ANKRD46: variants seen among roughly 807,000 people sequenced by gnomAD.
ANKRD46 encodes ankyrin repeat domain 46.
Under a neutral mutation model 19.8 loss-of-function variants are expected in ANKRD46, and 13 were observed. The observed-to-expected ratio is 0.66, with a 90% CI of 0.43 to 1.04. The LOEUF is 1.04. ANKRD46 is among the 50% of genes least tolerant of loss of function. ANKRD46 has a pLI of 0.00. For missense variants in ANKRD46, 185 were observed against 274.8 expected (o/e 0.67, Z 2.31); for synonymous variants, 91 against 106.9 (o/e 0.85, Z 0.92).
Position 100,529,470 on chromosome 8 carries a change from T to G in ANKRD46, c.311+53A>C. On this transcript the variant is annotated intron_variant, in intron 3 of 4. Coordinates refer to ENST00000335659, the MANE Select transcript of ANKRD46 (RefSeq NM_001270377.2). The surrounding 1 kb of genome is among the most constrained non-coding windows in gnomAD (Gnocchi z 5.8). ...ACAGACCCAAGATAAGATTATCAGT[T>G]GAGAGATTAATGGGAAGAAATGACT... 31 of 1,517,804 alleles carry G rather than the reference T, an allele frequency of 2.0e-5. No homozygotes were observed. The highest frequency in any genetic ancestry group is 2.7e-5 in the Non-Finnish European group (30 of 1,117,640). The allele number at this position is 1,517,804 out of a possible 1,614,324, so 94.0% of individuals were successfully genotyped here.
rs1812099538 is a variant in ANKRD46, at chr8:100,538,082, G to A, written c.-130-4771C>T. On this transcript the variant is annotated intron_variant, in intron 1 of 4. Coordinates refer to ENST00000335659, the MANE Select transcript of ANKRD46 (RefSeq NM_001270377.2). Reference sequence around the variant, plus strand: ...TATATACTGGCTGACTGCAATGCCTGGCACATTAAGTTTCTTGAAGTCTAG... The same window carrying A: ...TATATACTGGCTGACTGCAATGCCTAGCACATTAAGTTTCTTGAAGTCTAG... 2.6e-5 allele frequency among the ~76,000 whole-genome samples: 4 copies of A among 152,208 alleles called. No individual in the cohort carries two copies. The South Asian group carries it at 8.3e-4, about 32-fold the overall frequency.
At position 100,529,946 on chromosome 8, in the gene ANKRD46, CT is replaced by C; in HGVS notation, c.-27-87del. On this transcript the variant is annotated intron_variant, in intron 2 of 4. Coordinates refer to ENST00000335659, the MANE Select transcript of ANKRD46 (RefSeq NM_001270377.2). This position sits in a 1 kb window ranked among gnomAD's most constrained non-coding sequence, Gnocchi z 5.8. ...ATTTAGAAAAGCAATATTTCTCATC[CT>C]TTTTGGCCTCCTGCCTCTAATAAAT... 6.7e-6 allele frequency: 7 copies of C among 1,040,504 alleles called. No individual in the cohort carries two copies. The highest frequency in any genetic ancestry group is 5.5e-6 in the Non-Finnish European group (4 of 733,378). The allele number at this position is 1,040,504 out of a possible 1,614,324, so 64.5% of individuals were successfully genotyped here. A position where few individuals can be genotyped will look rare whatever the true frequency, so the allele number is the denominator to read the frequency against.
chr8:100,527,556 T>C lies in ANKRD46; in HGVS notation c.470+289A>G, dbSNP rs1021393343. Among the ~76,000 whole-genome samples, 1 of 152,212 alleles carries C rather than the reference T, an allele frequency of 6.6e-6. No individual in the cohort carries two copies. The highest frequency in any genetic ancestry group is 1.5e-5 in the Non-Finnish European group (1 of 68,038). On this transcript the variant is annotated intron_variant, in intron 4 of 4. Transcript: ENST00000335659. The surrounding 1 kb of genome is among the most constrained non-coding windows in gnomAD (Gnocchi z 4.0). ...AACAGAACATTATGCGCACATGACATGTAGTACTTTCTGTTAATAGCTTCT... is the reference window on the plus strand; with the variant it reads ...AACAGAACATTATGCGCACATGACACGTAGTACTTTCTGTTAATAGCTTCT...
chr8:100,545,690 T>C lies in ANKRD46; in HGVS notation c.-130-12379A>G, dbSNP rs1453793888. ...TTTGGAACTGGGTAACAGGCAAAGGTTGGAACAGTTTGGGGGGCTCAGAAG... is the reference window on the plus strand; with the variant it reads ...TTTGGAACTGGGTAACAGGCAAAGGCTGGAACAGTTTGGGGGGCTCAGAAG... On this transcript the variant is annotated intron_variant, in intron 1 of 4. Coordinates refer to ENST00000335659, the MANE Select transcript of ANKRD46 (RefSeq NM_001270377.2). This position sits in a 1 kb window ranked among gnomAD's most constrained non-coding sequence, Gnocchi z 4.7. 2.0e-5 allele frequency among the ~76,000 whole-genome samples: 3 copies of C among 151,918 alleles called. No individual in the cohort carries two copies. Among genetic ancestry groups the C allele is most frequent in the African/African-American group, 2.4e-5 (1 of 41,352 alleles).
At chr8:100,552,048 G>A (rs1812401752) in intron 1 of ANKRD46, among the ~76,000 whole-genome samples, 1 of 151,720 alleles carries the variant, frequency 6.6e-6, no homozygotes, top group Admixed American at 6.6e-5. Flanking sequence ...TACTCGGGAG[G>A]CTGAGGCAGG....
At chr8:100,530,259 T>A (rs1181882225) in intron 2 of ANKRD46, among the ~76,000 whole-genome samples, 1 of 152,250 alleles carries the variant, frequency 6.6e-6, no homozygotes, top group Admixed American at 6.5e-5. Context: ...TCTTATTTAA[T>A]ACAAACTAAT....
Position 100,529,480 on chromosome 8 carries a change from A to T in ANKRD46, c.311+43T>A. On this transcript the variant is annotated intron_variant, in intron 3 of 4. Transcript: ENST00000335659. The surrounding 1 kb of genome is among the most constrained non-coding windows in gnomAD (Gnocchi z 5.8). ...GATAAGATTATCAGTTGAGAGATTA[A>T]TGGGAAGAAATGACTAGACTTCTAA... 6.4e-7 allele frequency: 1 copy of T among 1,551,262 alleles called. No homozygotes were observed. Among genetic ancestry groups the T allele is most frequent in the Non-Finnish European group, 8.8e-7 (1 of 1,141,068 alleles).
chr8:100,528,510 T>C (rs1289036126), intron 3 of ANKRD46, among the ~76,000 whole-genome samples: 5 of 150,484 alleles, frequency 3.3e-5, no homozygotes. Flanking sequence ...AATTAACCCT[T>C]GTTTTTCTTT....
At chr8:100,530,426 C>T (rs1245648804) in intron 2 of ANKRD46, among the ~76,000 whole-genome samples, 2 of 151,974 alleles carry the variant, frequency 1.3e-5, no homozygotes, top group Non-Finnish European at 2.9e-5. Context: ...CTCTATTGCC[C>T]AGGCTGGAGT....
rs1812246468 is a variant in ANKRD46, at chr8:100,545,112, C to T, written c.-130-11801G>A. ...GGCAGAGGTGGGAGAATTGCTTGAG[C>T]CCAGGCATTCGAGACAAGCCTGGGC... is the stretch of plus-strand genomic sequence containing the variant. On this transcript the variant is annotated intron_variant, in intron 1 of 4. Transcript: ENST00000335659. This position sits in a 1 kb window ranked among gnomAD's most constrained non-coding sequence, Gnocchi z 4.7. Among the ~76,000 whole-genome samples the T allele has an allele frequency of 6.6e-6, 1 of 152,102 alleles. No individual in the cohort carries two copies. The highest frequency in any genetic ancestry group is 1.5e-5 in the Non-Finnish European group (1 of 68,020).
rs550317910 is a variant in ANKRD46, at chr8:100,534,432, A to G, written c.-130-1121T>C. Among the ~76,000 whole-genome samples the G allele has an allele frequency of 2.7e-4, 41 of 152,320 alleles. No homozygotes were observed. Among genetic ancestry groups the G allele is most frequent in the Non-Finnish European group, 5.1e-4 (35 of 68,024 alleles). ...CTTCTTTTGTGATACCACAGTATCA[A>G]TTTAGACGAACTTCATATCACGGAG... On this transcript the variant is annotated intron_variant, in intron 1 of 4. Transcript: ENST00000335659. The surrounding 1 kb of genome is among the most constrained non-coding windows in gnomAD (Gnocchi z 4.2).
chr8:100,549,681 C>T (rs1040900373), intron 1 of ANKRD46, among the ~76,000 whole-genome samples: 2 of 152,156 alleles, frequency 1.3e-5, no homozygotes, highest in African/African-American at 4.8e-5. Context: ...ACTGATGATC[C>T]TACACTAACA....
Position 100,522,629 on chromosome 8 carries a change from G to A in ANKRD46, c.613C>T (p.Leu205=). 1 of 1,614,004 alleles carries A rather than the reference G, an allele frequency of 6.2e-7. No individual in the cohort carries two copies. Among genetic ancestry groups the A allele is most frequent in the East Asian group, 2.2e-5 (1 of 44,866 alleles). ...VLLLIFVIAL[L]SLGIAYYVSG... Reference sequence around the variant, plus strand: ...ACATAATAAGCAATGCCAAGAGACAGCAAAGCAATGACGAAGATCAACAGC... The same window carrying A: ...ACATAATAAGCAATGCCAAGAGACAACAAAGCAATGACGAAGATCAACAGC... Residue 205 remains leucine (L), a synonymous_variant, in exon 5 of 5, where the codon CTG becomes TTG. Coordinates refer to ENST00000335659, the MANE Select transcript of ANKRD46 (RefSeq NM_001270377.2).
At chr8:100,539,256 G>A (rs1463623905) in intron 1 of ANKRD46, among the ~76,000 whole-genome samples, 2 of 152,152 alleles carry the variant, frequency 1.3e-5, no homozygotes, top group African/African-American at 4.8e-5. Flanking sequence ...CATATGGCTA[G>A]GGCCCAATTT....
chr8:100,548,686 T>C (rs1812320235), intron 1 of ANKRD46, among the ~76,000 whole-genome samples: 1 of 152,190 alleles, frequency 6.6e-6, no homozygotes, highest in African/African-American at 2.4e-5. Flanking sequence ...CAAACAAGTC[T>C]TTCAGTGGAG....
intron 5 of ANKRD46, among the ~76,000 whole-genome samples, chr8:100,515,188 A>C (rs1410047122): frequency 6.6e-6 from 1 of 152,128 alleles, no homozygotes; most frequent in Non-Finnish European, 1.5e-5. Flanking sequence ...TGATCTCCTC[A>C]CTTGAATCAA....
intron 1 of ANKRD46, among the ~76,000 whole-genome samples, chr8:100,549,781 G>A (rs994522839): frequency 2.0e-5 from 3 of 152,164 alleles, no homozygotes; most frequent in Admixed American, 2.0e-4. Flanking sequence ...ACAATGACAT[G>A]TATTCATCAT....
chr8:100,520,772 T>C lies in ANKRD46; in HGVS notation c.*1783A>G. 1.0e-6 allele frequency: 1 copy of C among 953,218 alleles called. No individual in the cohort carries two copies. Among genetic ancestry groups the C allele is most frequent in the Non-Finnish European group, 1.2e-6 (1 of 806,472 alleles). The allele number at this position is 953,218 out of a possible 1,614,324, so 59.0% of individuals were successfully genotyped here. On this transcript the variant is annotated 3_prime_UTR_variant, in exon 5 of 5. Transcript: ENST00000335659. ...AAAAAAAAAAAAAGAGAAATCGTGA[T>C]TAAGGGATATATAAATACATTTATT...
chr8:100,520,161 T>C (rs1044586885), downstream of ANKRD46, among the ~76,000 whole-genome samples: 1 of 152,120 alleles, frequency 6.6e-6, no homozygotes, highest in Non-Finnish European at 1.5e-5. Flanking sequence ...TATGGAAGAC[T>C]TTCTGACAAG....
Sources: gnomAD v4.1 joint callset for allele counts (sites outside exome capture counted in the v4.1 genomes callset) on GRCh38, gnomAD v4.1.1 for gene constraint, Gnocchi (gnomAD v3.1) non-coding constraint, MANE v1.5 for transcripts, NCBI Gene and HGNC (gene_info 2026-07-23, HGNC 2026-07-21) for gene names.